The following TTC12 variants were observed in gnomAD, a reference collection of about 807,000 sequenced individuals.
The protein encoded by TTC12 is tetratricopeptide repeat protein 12.
Under a neutral mutation model 90.1 loss-of-function variants are expected in TTC12, and 70 were observed. That is an observed-to-expected ratio of 0.78 (90% confidence interval 0.64 to 0.95). The LOEUF is 0.95. TTC12 is among the 40% of genes least tolerant of loss of function. The pLI is 0.00. For synonymous variants in TTC12, 296 were observed against 311.5 expected (o/e 0.95, Z 0.53); for missense variants, 819 against 846.1 (o/e 0.97, Z 0.40).
At chr11:113,321,109 C>G (rs1456078250) in intron 2 of TTC12, among the ~76,000 whole-genome samples, 1 of 152,050 alleles carries the variant, frequency 6.6e-6, no homozygotes, top group Admixed American at 6.5e-5. Flanking sequence ...GTAGGCTCTT[C>G]GTAGAAATCC....
chr11:113,365,854 AAGTTCT>A (rs1421696265), intron 21 of TTC12, among the ~76,000 whole-genome samples: 1 of 152,138 alleles, frequency 6.6e-6, no homozygotes, highest in Admixed American at 6.5e-5. Context: ...AGGTCCTTTC[AAGTTCT>A]GTCTGGTTGT....
At chr11:113,337,801 AGGT>A (rs1228856881) in intron 8 of TTC12, among the ~76,000 whole-genome samples, 1 of 151,200 alleles carries the variant, frequency 6.6e-6, no homozygotes. Flanking sequence ...TCCAAGCAAG[AGGT>A]GGTGATGGGG....
chr11:113,370,365 A>G (rs1950348800), downstream of TTC12, among the ~76,000 whole-genome samples: 1 of 151,848 alleles, frequency 6.6e-6, no homozygotes, highest in African/African-American at 2.4e-5. Context: ...GCATCCCCCT[A>G]CCCTCCCTGA....
intron 9 of TTC12, among the ~76,000 whole-genome samples, 197 bp from the exon 10 acceptor site, chr11:113,339,089 C>T (rs1948538825): frequency 6.6e-6 from 1 of 152,086 alleles, no homozygotes; most frequent in Admixed American, 6.6e-5. Flanking sequence ...CCTTGAATCC[C>T]CAACAAGGTT....
At chr11:113,349,289 T>C (rs1321822490) in intron 13 of TTC12, among the ~76,000 whole-genome samples, 1 of 152,232 alleles carries the variant, frequency 6.6e-6, no homozygotes, top group Non-Finnish European at 1.5e-5. Context: ...GTTTATCTTA[T>C]TTATTTACAT....
At chr11:113,329,663 G>C in intron 6 of TTC12, 1 of 568,460 alleles carries the variant, frequency 1.8e-6, no homozygotes, top group Non-Finnish European at 3.3e-6. Context: ...GCTGTCCACT[G>C]TTGCTAGCCC....
chr11:113,363,773 G>A (rs1213570613), intron 19 of TTC12, 55 bp from the exon 20 acceptor site: 1 of 1,270,970 alleles, frequency 7.9e-7, no homozygotes, highest in Non-Finnish European at 1.1e-6. Context: ...GTGGTTTGTG[G>A]TCAAGAGCAA....
chr11:113,366,904 C>T (rs1277014231), downstream of TTC12, among the ~76,000 whole-genome samples: 2 of 152,194 alleles, frequency 1.3e-5, no homozygotes, highest in East Asian at 1.9e-4. Context: ...CTGGCACCCT[C>T]CTCCAGCCCA....
chr11:113,317,770 G>C (rs537585005), intron 2 of TTC12, among the ~76,000 whole-genome samples: 2 of 151,786 alleles, frequency 1.3e-5, no homozygotes, highest in East Asian at 3.9e-4. Context: ...ACTCTGCACT[G>C]GATCTTTGCC....
chr11:113,350,425 G>A (rs1439155968), intron 14 of TTC12, among the ~76,000 whole-genome samples: 3 of 152,152 alleles, frequency 2.0e-5, no homozygotes, highest in Non-Finnish European at 4.4e-5. Context: ...CTCACAGTAG[G>A]CAAGCCTCCC....
At chr11:113,328,424 C>A (rs10502172) in intron 6 of TTC12, among the ~76,000 whole-genome samples, 1 of 151,960 alleles carries the variant, frequency 6.6e-6, no homozygotes, top group African/African-American at 2.4e-5. Flanking sequence ...GAATGGATCA[C>A]GGAATTCTGA....
chr11:113,338,427 C>T (rs1948495802), intron 8 of TTC12, among the ~76,000 whole-genome samples: 1 of 152,176 alleles, frequency 6.6e-6, no homozygotes, highest in Non-Finnish European at 1.5e-5. Context: ...TATTTGACAG[C>T]CTCCTTTCTC....
chr11:113,323,102 C>CAAAA (rs34496236), intron 2 of TTC12, among the ~76,000 whole-genome samples, 186 bp from the exon 3 acceptor site: 17 of 79,452 alleles, frequency 2.1e-4, no homozygotes, highest in African/African-American at 7.6e-4. Flanking sequence ...TTTTTCTAGG[C>CAAAA]AAAAAAAAAA....
intron 6 of TTC12, among the ~76,000 whole-genome samples, chr11:113,329,242 C>G (rs782304162): frequency 6.6e-6 from 1 of 152,208 alleles, no homozygotes; most frequent in Non-Finnish European, 1.5e-5. Context: ...TAATGCCCAC[C>G]AGCAGTGTAT....
rs1213624707 is a variant in TTC12, at chr11:113,344,366, C to T, written c.1080C>T (p.Ser360=). The T allele has an allele frequency of 1.9e-6, 3 of 1,614,116 alleles. No homozygotes were observed. Among genetic ancestry groups the T allele is most frequent in the African/African-American group, 1.3e-5 (1 of 74,954 alleles). The change falls in exon 13 of 22, where the codon AGC becomes AGT. Residue 360 remains serine (S), a synonymous_variant. Transcript: ENST00000529221. ...AGGTCCTGGCCATCCGGCAGCAGAG[C>T]TTTGCCCTGCTGCTGCATCTCGCCC... ...SSKVLAIRQQ[S]FALLLHLAQT...
At chr11:113,324,776 TTCCCAGTGG>T in intron 5 of TTC12, 94 bp downstream of exon 5, 1 of 1,095,128 alleles carries the variant, frequency 9.1e-7, no homozygotes, top group South Asian at 1.4e-5. Context: ...GACATCTAGA[TTCCCAGTGG>T]TGAGGTTTGT....
At position 113,350,056 on chromosome 11, in the gene TTC12, AT is replaced by A; in HGVS notation, c.1155-15del. On this transcript the variant is annotated splice_polypyrimidine_tract_variant and intron_variant, in intron 13 of 21. Coordinates refer to ENST00000529221, the MANE Select transcript of TTC12 (RefSeq NM_017868.4). Reference sequence around the variant, plus strand: ...TTGGAGGACAGCTACCTCTGAGGTTATTATGGTTTTTTGCAGATTATTGGAA... The same window carrying A: ...TTGGAGGACAGCTACCTCTGAGGTTATATGGTTTTTTGCAGATTATTGGAA... 1 of 1,606,308 alleles carries A rather than the reference AT, an allele frequency of 6.2e-7. No individual in the cohort carries two copies. Among genetic ancestry groups the A allele is most frequent in the Middle Eastern group, 1.7e-4 (1 of 6,048 alleles).
chr11:113,324,725 G>A, intron 5 of TTC12, 43 bp downstream of exon 5: 1 of 1,558,826 alleles, frequency 6.4e-7, no homozygotes, highest in Non-Finnish European at 8.8e-7. Flanking sequence ...GATGATTTGT[G>A]CTAGAAAGAG....
intron 16 of TTC12, among the ~76,000 whole-genome samples, chr11:113,355,944 A>G (rs1555152296): frequency 1.3e-5 from 2 of 152,218 alleles, no homozygotes; most frequent in Non-Finnish European, 2.9e-5. Flanking sequence ...AAATCTGTGT[A>G]TGTACATCAG....
Sources: gnomAD v4.1 joint callset for allele counts (sites outside exome capture counted in the v4.1 genomes callset) on GRCh38, gnomAD v4.1.1 for gene constraint, MANE v1.5 for transcripts, NCBI Gene and HGNC (gene_info 2026-07-23, HGNC 2026-07-21) for gene names.